The following SYNJ1 variants were observed in gnomAD, a reference collection of about 807,000 sequenced individuals.
The protein encoded by SYNJ1 is polyphosphatidylinositol phosphatase SYNJ1.
Under a neutral mutation model 168.2 loss-of-function variants are expected in SYNJ1, and 78 were observed. The ratio of observed to expected loss-of-function variants is 0.46; its 90% CI spans 0.39 to 0.56. SYNJ1 has a LOEUF of 0.56. SYNJ1 is among the 20% of genes least tolerant of loss of function. The probability of loss-of-function intolerance (pLI) is 0.00; values close to 1 mark genes in which losing one functional copy is unlikely to be tolerated. For missense variants in SYNJ1, 1,303 were observed against 1,597.6 expected, an observed-to-expected ratio of 0.82 and a Z score of 3.14; for synonymous variants, 539 against 548.6, an observed-to-expected ratio of 0.98 and a Z score of 0.24.
chr21:32,631,640 A>G lies in SYNJ1; in HGVS notation c.*165T>C. ...TCAAAACATTACTTTGCGTTGCAGA[A>G]GGCAACTGAATCAACCTCTTTGGGT... On this transcript the variant is annotated 3_prime_UTR_variant, in exon 33 of 33. Coordinates refer to ENST00000674351, the MANE Select transcript of SYNJ1 (RefSeq NM_203446.3). 3.7e-6 allele frequency: 6 copies of G among 1,614,212 alleles called. No individual in the cohort carries two copies. Among genetic ancestry groups the G allele is most frequent in the Non-Finnish European group, 4.2e-6 (5 of 1,180,038 alleles).
intron 15 of SYNJ1, among the ~76,000 whole-genome samples, chr21:32,668,439 G>A (rs2041043843): frequency 6.6e-6 from 1 of 152,150 alleles, no homozygotes; most frequent in Non-Finnish European, 1.5e-5. Context: ...ATTGATCCAT[G>A]CACTTAGTAC....
chr21:32,664,095 T>A (rs2040824884), intron 18 of SYNJ1, among the ~76,000 whole-genome samples: 1 of 152,262 alleles, frequency 6.6e-6, no homozygotes, highest in Non-Finnish European at 1.5e-5. Flanking sequence ...ATAGGAGTTA[T>A]AATAGTAATA....
chr21:32,681,375 A>G, intron 11 of SYNJ1, 121 bp downstream of exon 11: 2 of 1,167,008 alleles, frequency 1.7e-6, no homozygotes, highest in South Asian at 1.9e-5. Context: ...CACATTAAAC[A>G]GAATTCTAAG....
chr21:32,676,193 G>A (rs2041400156), intron 13 of SYNJ1, 139 bp downstream of exon 13: 1 of 526,750 alleles, frequency 1.9e-6, no homozygotes, highest in Admixed American at 4.2e-5. Context: ...ATTAAAACAA[G>A]ATATCAATTT....
intron 15 of SYNJ1, 25 bp from the exon 16 acceptor site, chr21:32,666,598 A>AT (rs1355827066): frequency 1.3e-6 from 2 of 1,597,560 alleles, no homozygotes; most frequent in South Asian, 1.1e-5. Flanking sequence ...TAAAAAGAGA[A>AT]TTTTTTAAAA....
intron 6 of SYNJ1, among the ~76,000 whole-genome samples, chr21:32,693,824 A>G (rs562822091): frequency 1.3e-5 from 2 of 152,318 alleles, no homozygotes; most frequent in African/African-American, 4.8e-5. Flanking sequence ...TCACACAGCT[A>G]GTAGTGGTAG....
At chr21:32,658,024 A>G (rs1342682885) in intron 18 of SYNJ1, 152 bp from the exon 19 acceptor site, 6 of 615,018 alleles carry the variant, frequency 9.8e-6, no homozygotes, top group African/African-American at 1.9e-5. Flanking sequence ...GAATGGAACA[A>G]AGCTTAGAAA....
rs370219434 is a variant in SYNJ1, at chr21:32,696,055, T to C, written c.480-773A>G. Among the ~76,000 whole-genome samples, 68 of 152,242 alleles carry C rather than the reference T, an allele frequency of 4.5e-4. 1 individual carries two copies. The highest frequency in any genetic ancestry group is 6.8e-3 in the Middle Eastern group (2 of 294). ...TAGAGACGGGGTTTCCCCGTGTTAG[T>C]GTTAGCCAGGATGGTCCTGAACTCC... On this transcript the variant is annotated intron_variant, in intron 4 of 32. Transcript: ENST00000674351.
At position 32,694,252 on chromosome 21, in the gene SYNJ1, C is replaced by G. The variant is rs750608040; in HGVS notation, c.765G>C (p.Leu255Phe). The G allele has an allele frequency of 6.4e-7, 1 of 1,563,004 alleles. No homozygotes were observed. Among genetic ancestry groups the G allele is most frequent in the South Asian group, 1.2e-5 (1 of 82,634 alleles). The change falls in exon 6 of 33, where the codon TTG (leucine) becomes TTC (phenylalanine). Residue 255 changes from leucine to phenylalanine, a missense_variant. Leu to Phe is a conservative substitution (Grantham distance 22, BLOSUM62 0). This residue lies in a region of SYNJ1 where 920 missense variants were observed against 1,208.8 expected (regional missense o/e 0.76). Transcript: ENST00000674351. ...CTTGCAACCCTGGTTGCTCCCAGAA[C>G]AATGGAACAGATCCTCGGATTTGTA... ...SFIQIRGSVP[L>F]FWEQPGLQVG...
intron 31 of SYNJ1, among the ~76,000 whole-genome samples, chr21:32,637,393 ATTTTTCT>A (rs2039618966): frequency 2.0e-5 from 3 of 146,818 alleles, no homozygotes; most frequent in South Asian, 2.1e-4. Flanking sequence ...ACCATCCTCA[ATTTTTCT>A]TTTTTCTTTT....
chr21:32,632,733 T>C (rs1457166477), intron 32 of SYNJ1, among the ~76,000 whole-genome samples: 1 of 152,068 alleles, frequency 6.6e-6, no homozygotes. Context: ...AACTGAGTAA[T>C]GTGAGGCTGG....
At chr21:32,693,623 TA>T (rs2042105733) in intron 6 of SYNJ1, among the ~76,000 whole-genome samples, 1 of 152,218 alleles carries the variant, frequency 6.6e-6, no homozygotes, top group Non-Finnish European at 1.5e-5. Context: ...CAAGGACTAA[TA>T]AATTTTGAAT....
rs954369834 is a variant in SYNJ1, at chr21:32,713,255, T to A, written c.125-11208A>T. On this transcript the variant is annotated intron_variant, in intron 2 of 32. Coordinates refer to ENST00000674351, the MANE Select transcript of SYNJ1 (RefSeq NM_203446.3). ...GTCAACATGGATGATTTCCCATATA[T>A]CAACATGGATGATTTCCCATATGTC... Among the ~76,000 whole-genome samples the A allele has an allele frequency of 1.4e-4, 20 of 144,610 alleles. 1 individual carries two copies. The highest frequency in any genetic ancestry group is 2.0e-4 in the Non-Finnish European group (13 of 65,668). The allele number at this position is 144,610 out of a possible 152,430, so 94.9% of individuals were successfully genotyped here.
At position 32,639,795 on chromosome 21, in the gene SYNJ1, A is replaced by T. The variant is rs369384628; in HGVS notation, c.3589-16T>A. On this transcript the variant is annotated splice_polypyrimidine_tract_variant and intron_variant, in intron 29 of 32. Transcript: ENST00000674351. ...GAGGAATCGTCTACAGATAGGAAAC[A>T]TAACACTTGAGACATTTACTTACCT... The T allele has an allele frequency of 4.4e-6, 7 of 1,602,080 alleles. No homozygotes were observed. In the East Asian group the frequency reaches 1.6e-4, roughly 36 times the overall value.
At chr21:32,710,988 G>C (rs746591820) in intron 2 of SYNJ1, among the ~76,000 whole-genome samples, 2 of 152,154 alleles carry the variant, frequency 1.3e-5, no homozygotes, top group African/African-American at 4.8e-5. Flanking sequence ...CATTATCACA[G>C]AAGTTAGGAA....
chr21:32,673,252 T>C (rs2041273957), intron 14 of SYNJ1, 88 bp downstream of exon 14: 1 of 1,157,850 alleles, frequency 8.6e-7, no homozygotes, highest in Non-Finnish European at 1.2e-6. Context: ...CATCAATTAA[T>C]GCATCCTCTG....
chr21:32,689,588 C>A (rs1232414002), intron 6 of SYNJ1, among the ~76,000 whole-genome samples: 2 of 152,268 alleles, frequency 1.3e-5, no homozygotes, highest in African/African-American at 2.4e-5. Context: ...AGCCACCGCG[C>A]CCCGCGCAAA....
intron 24 of SYNJ1, 26 bp from the exon 25 acceptor site, chr21:32,645,815 G>T: frequency 6.7e-7 from 1 of 1,503,690 alleles, no homozygotes; most frequent in Non-Finnish European, 8.9e-7. Flanking sequence ...GAGGTAAGAA[G>T]ATCAGCTTCT....
Position 32,639,793 on chromosome 21 carries a change from A to C in SYNJ1, c.3589-14T>G, listed in dbSNP as rs778823234. On this transcript the variant is annotated splice_polypyrimidine_tract_variant and intron_variant, in intron 29 of 32. Coordinates refer to ENST00000674351, the MANE Select transcript of SYNJ1 (RefSeq NM_203446.3). ...AGGAGGAATCGTCTACAGATAGGAA[A>C]CATAACACTTGAGACATTTACTTAC... 1.2e-6 allele frequency: 2 copies of C among 1,605,600 alleles called. No individual in the cohort carries two copies. The highest frequency in any genetic ancestry group is 1.7e-6 in the Non-Finnish European group (2 of 1,172,820).
Sources: allele counts gnomAD v4.1 joint callset (sites outside exome capture counted in the v4.1 genomes callset), GRCh38; gene constraint gnomAD v4.1.1; regional missense constraint gnomAD v4.1.1; transcripts MANE v1.5; gene names NCBI Gene and HGNC (gene_info 2026-07-23, HGNC 2026-07-21).